Variants in GALNT17 observed in about 807,000 individuals in gnomAD.
GALNT17 encodes UDP-GalNAc:polypeptide N-acetylgalactosaminyltransferase-like 3.
Under a neutral mutation model 63.7 loss-of-function variants are expected in GALNT17, and 29 were observed. That is an observed-to-expected ratio of 0.46 (90% CI 0.34 to 0.62). GALNT17 has a LOEUF of 0.62. GALNT17 is among the 20% of genes least tolerant of loss of function. GALNT17 has a pLI of 0.01. For missense variants in GALNT17, 603 were observed against 799.6 expected (o/e 0.75, Z 2.97); for synonymous variants, 305 against 318.3 (o/e 0.96, Z 0.45).
intron 1 of GALNT17, among the ~76,000 whole-genome samples, chr7:71,318,119 T>C (rs2115983552): frequency 6.6e-6 from 1 of 152,198 alleles, no homozygotes; most frequent in East Asian, 1.9e-4. Flanking sequence ...GTTGCCAGAC[T>C]GGTCTCAAAC....
chr7:71,592,536 TAAAATAA>T (rs1291499327), intron 6 of GALNT17, among the ~76,000 whole-genome samples: 546 of 40,310 alleles, frequency 0.014, 12 homozygotes, highest in African/African-American at 0.055. Flanking sequence ...TAAAATAAAA[TAAAATAA>T]AATAGCATAG....
Position 71,333,767 on chromosome 7 carries a change from A to C in GALNT17, c.239-1783A>C, listed in dbSNP as rs568109131. Among the ~76,000 whole-genome samples, 4 of 152,352 alleles carry C rather than the reference A, an allele frequency of 2.6e-5. No individual in the cohort carries two copies. In the East Asian group the frequency reaches 7.7e-4, roughly 29 times the overall value. On this transcript the variant is annotated intron_variant, in intron 1 of 10. Coordinates refer to ENST00000333538, the MANE Select transcript of GALNT17 (RefSeq NM_022479.3). The stretch of plus-strand genomic sequence containing the variant: ...CAGCCTCCCAAAGTGCTGGGATTAC[A>C]GGCGTGAGCCACTGTGCCCAGCCTA...
chr7:71,462,099 A>G (rs73700995), intron 5 of GALNT17, among the ~76,000 whole-genome samples: 1,959 of 152,218 alleles, frequency 0.013, 38 homozygotes, highest in African/African-American at 0.045. Context: ...GGCTAGATTC[A>G]GAGGATTCTC....
intron 5 of GALNT17, among the ~76,000 whole-genome samples, chr7:71,434,825 T>C (rs934746612): frequency 6.6e-6 from 1 of 152,176 alleles, no homozygotes; most frequent in African/African-American, 2.4e-5. Context: ...CTGTTGTAGA[T>C]AATTAATGTT....
chr7:71,176,378 G>GGC (rs1207947529), intron 1 of GALNT17, among the ~76,000 whole-genome samples: 1 of 152,058 alleles, frequency 6.6e-6, no homozygotes, highest in African/African-American at 2.4e-5. Context: ...CCCGTCCAGG[G>GGC]GCTAAAGTGG....
At chr7:71,471,070 T>G (rs1787619665) in intron 5 of GALNT17, among the ~76,000 whole-genome samples, 1 of 151,944 alleles carries the variant, frequency 6.6e-6, no homozygotes, top group South Asian at 2.1e-4. Context: ...TTTTTCCTCT[T>G]TTTTCTGTTT....
intron 5 of GALNT17, among the ~76,000 whole-genome samples, chr7:71,483,486 G>T (rs1787857263): frequency 6.6e-6 from 1 of 151,734 alleles, no homozygotes; most frequent in Non-Finnish European, 1.5e-5. Flanking sequence ...AAAAAGGAAA[G>T]AAAGAAAATG....
At chr7:71,695,683 C>A (rs1371356858) in intron 9 of GALNT17, among the ~76,000 whole-genome samples, 4 of 152,202 alleles carry the variant, frequency 2.6e-5, no homozygotes, top group Non-Finnish European at 5.9e-5. Flanking sequence ...CTAACCCCAG[C>A]TCTCAGGCAG....
At chr7:71,219,959 C>G (rs552403871) in intron 1 of GALNT17, among the ~76,000 whole-genome samples, 1 of 152,112 alleles carries the variant, frequency 6.6e-6, no homozygotes, top group Non-Finnish European at 1.5e-5. Context: ...TTATGTCCCT[C>G]CAAAATTCAT....
At chr7:71,572,051 C>T (rs115844358) in intron 6 of GALNT17, among the ~76,000 whole-genome samples, 251 of 151,432 alleles carry the variant, frequency 1.7e-3, no homozygotes, top group African/African-American at 5.7e-3. Flanking sequence ...TTTTTACATC[C>T]GCAGATTTAT....
At chr7:71,405,729 C>T (rs1269641515) in intron 3 of GALNT17, among the ~76,000 whole-genome samples, 2 of 152,088 alleles carry the variant, frequency 1.3e-5, no homozygotes, top group Admixed American at 1.3e-4. Flanking sequence ...TGAACCAGCT[C>T]CCTGGGGCCT....
intron 1 of GALNT17, among the ~76,000 whole-genome samples, chr7:71,200,768 T>G (rs905465054): frequency 6.6e-5 from 10 of 152,170 alleles, no homozygotes; most frequent in Admixed American, 5.9e-4. Context: ...TAATGTACCT[T>G]TATTGCTTTT....
At chr7:71,315,653 A>G (rs764722322) in intron 1 of GALNT17, among the ~76,000 whole-genome samples, 4 of 152,178 alleles carry the variant, frequency 2.6e-5, no homozygotes, top group African/African-American at 4.8e-5. Context: ...GAAGAGAGAA[A>G]AAACATGCAA....
chr7:71,531,858 G>A (rs1788726303), intron 5 of GALNT17, among the ~76,000 whole-genome samples: 1 of 152,166 alleles, frequency 6.6e-6, no homozygotes, highest in African/African-American at 2.4e-5. Flanking sequence ...ATATTGATTG[G>A]TTACACTGGC....
At chr7:71,703,382 G>A (rs1319856121) in intron 9 of GALNT17, among the ~76,000 whole-genome samples, 2 of 152,080 alleles carry the variant, frequency 1.3e-5, no homozygotes, top group African/African-American at 4.8e-5. Flanking sequence ...GGCAAGAGTG[G>A]GAAAAAGAGA....
chr7:71,618,605 A>G (rs747615770), intron 6 of GALNT17, among the ~76,000 whole-genome samples: 14 of 152,070 alleles, frequency 9.2e-5, no homozygotes, highest in Non-Finnish European at 1.0e-4. Context: ...GCTCACTTAT[A>G]TGTCTTCTTT....
chr7:71,452,705 T>C (rs1787285545), intron 5 of GALNT17, among the ~76,000 whole-genome samples: 2 of 152,302 alleles, frequency 1.3e-5, no homozygotes, highest in African/African-American at 4.8e-5. Flanking sequence ...TGAGAAGCAG[T>C]ATGAACTGAG....
intron 6 of GALNT17, among the ~76,000 whole-genome samples, chr7:71,602,711 C>T (rs930198426): frequency 6.6e-6 from 1 of 152,106 alleles, no homozygotes; most frequent in Non-Finnish European, 1.5e-5. Flanking sequence ...TGTCAGAGGG[C>T]CCCAAAAGTT....
intron 6 of GALNT17, among the ~76,000 whole-genome samples, chr7:71,578,818 G>C (rs530738971): frequency 6.6e-6 from 1 of 152,106 alleles, no homozygotes; most frequent in South Asian, 2.1e-4. Flanking sequence ...CCCCGCCCTA[G>C]CCACTTCTCT....
Sources: allele counts gnomAD v4.1 joint callset (sites outside exome capture counted in the v4.1 genomes callset), GRCh38; gene constraint gnomAD v4.1.1; transcripts MANE v1.5; gene names NCBI Gene and HGNC (gene_info 2026-07-23, HGNC 2026-07-21).